The following MALRD1 variants were observed in gnomAD, a reference collection of about 807,000 sequenced individuals.
MALRD1 encodes MAM and LDL receptor class A domain containing 1.
A neutral mutation model predicts 242.1 loss-of-function variants in MALRD1; 247 were observed. The observed-to-expected ratio is 1.02, with a 90% CI of 0.92 to 1.13. MALRD1 has a LOEUF of 1.13. Ranked by LOEUF, MALRD1 falls within the 50% of genes most tolerant of loss-of-function variation. MALRD1 has a pLI of 0.00. For synonymous variants in MALRD1, 995 were observed against 866.6 expected, an observed-to-expected ratio of 1.15 and a Z score of -2.60; for missense variants, 2,989 against 2,533.1, an observed-to-expected ratio of 1.18 and a Z score of -3.86.
intron 33 of MALRD1, among the ~76,000 whole-genome samples, chr10:19,584,597 T>C (rs1294918536): frequency 6.6e-6 from 1 of 152,144 alleles, no homozygotes; most frequent in Non-Finnish European, 1.5e-5. Flanking sequence ...AGATAGTTTG[T>C]TATAATTTCT....
chr10:19,234,602 C>T (rs920177995), intron 18 of MALRD1, among the ~76,000 whole-genome samples: 2 of 146,618 alleles, frequency 1.4e-5, no homozygotes, highest in Non-Finnish European at 3.0e-5. Flanking sequence ...TTCTTGTAAA[C>T]ATTGACTTAG....
Position 19,288,206 on chromosome 10 carries a change from G to A in MALRD1, c.3419+5025G>A, listed in dbSNP as rs552208986. ...TACATGGTAGGTGTATATATTTATG[G>A]ACTGCATAAGGTGTTTTGATACAGG... On this transcript the variant is annotated intron_variant, in intron 21 of 39. Coordinates refer to ENST00000454679, the MANE Select transcript of MALRD1 (RefSeq NM_001142308.3). 4.6e-5 allele frequency among the ~76,000 whole-genome samples: 7 copies of A among 152,052 alleles called. No individual in the cohort carries two copies. In the East Asian group the frequency reaches 1.4e-3, roughly 30 times the overall value.
chr10:19,125,317 CCTTCCT>C (rs1361817028), intron 7 of MALRD1, among the ~76,000 whole-genome samples: 10 of 77,974 alleles, frequency 1.3e-4, no homozygotes, highest in African/African-American at 3.9e-4. Context: ...TTCCTTCCTT[CCTTCCT>C]TCTTTCTTTC....
At chr10:19,694,334 A>G (rs1379685935) in intron 38 of MALRD1, among the ~76,000 whole-genome samples, 1 of 152,194 alleles carries the variant, frequency 6.6e-6, no homozygotes, top group Non-Finnish European at 1.5e-5. Context: ...TCATCTGACA[A>G]AGGGCTAATA....
intron 18 of MALRD1, among the ~76,000 whole-genome samples, chr10:19,238,381 ATATAT>A (rs1287638279): frequency 5.2e-4 from 34 of 65,492 alleles, no homozygotes; most frequent in South Asian, 2.2e-3. Context: ...ATTATACATA[ATATAT>A]TATATATGTT....
intron 38 of MALRD1, chr10:19,722,458 C>A (rs1174308443): frequency 6.6e-6 from 1 of 151,560 alleles, no homozygotes; most frequent in Non-Finnish European, 1.5e-5. Flanking sequence ...GGTGTGGTAG[C>A]ACATTCCTGT....
intron 24 of MALRD1, among the ~76,000 whole-genome samples, chr10:19,342,143 A>G (rs1843912675): frequency 6.6e-6 from 1 of 152,062 alleles, no homozygotes; most frequent in Non-Finnish European, 1.5e-5. Flanking sequence ...TTCCATCTGA[A>G]ACTTTTTATC....
At chr10:19,455,928 G>C (rs1044406912) in intron 29 of MALRD1, among the ~76,000 whole-genome samples, 26 of 152,012 alleles carry the variant, frequency 1.7e-4, no homozygotes, top group African/African-American at 6.3e-4. Flanking sequence ...TCCTTCCCCA[G>C]TGTGTTCCCC....
At chr10:19,517,874 G>A (rs1309052544) in intron 31 of MALRD1, among the ~76,000 whole-genome samples, 2 of 152,182 alleles carry the variant, frequency 1.3e-5, no homozygotes, top group Non-Finnish European at 2.9e-5. Context: ...GTCATGGGAG[G>A]TTTCCTCCAC....
intron 4 of MALRD1, among the ~76,000 whole-genome samples, chr10:19,101,663 A>T (rs1267081645): frequency 1.5e-5 from 2 of 134,604 alleles, no homozygotes; most frequent in Non-Finnish European, 3.1e-5. Flanking sequence ...CTATAGGTAC[A>T]TCTATGTATA....
intron 5 of MALRD1, among the ~76,000 whole-genome samples, chr10:19,117,663 G>A (rs1264709045): frequency 6.6e-6 from 1 of 152,102 alleles, no homozygotes; most frequent in Non-Finnish European, 1.5e-5. Context: ...TGCATATGCA[G>A]CTTTGTTTTC....
chr10:19,374,215 G>T (rs1473825992), intron 26 of MALRD1, among the ~76,000 whole-genome samples: 1 of 152,086 alleles, frequency 6.6e-6, no homozygotes, highest in Non-Finnish European at 1.5e-5. Context: ...GTACAATGAA[G>T]TACTAATGTA....
At chr10:19,543,991 T>C (rs1249642307) in intron 32 of MALRD1, among the ~76,000 whole-genome samples, 1 of 152,170 alleles carries the variant, frequency 6.6e-6, no homozygotes, top group Non-Finnish European at 1.5e-5. Flanking sequence ...GCTTTAGTTA[T>C]GCCTATTATA....
intron 21 of MALRD1, among the ~76,000 whole-genome samples, chr10:19,295,627 C>T (rs1223886193): frequency 1.3e-5 from 2 of 152,096 alleles, no homozygotes; most frequent in African/African-American, 4.8e-5. Flanking sequence ...AGTAATTGAA[C>T]AGGTTTTATT....
chr10:19,672,664 T>A (rs1228885387), intron 36 of MALRD1, among the ~76,000 whole-genome samples: 2 of 152,206 alleles, frequency 1.3e-5, no homozygotes, highest in East Asian at 1.9e-4. Flanking sequence ...CCTCAGGTGA[T>A]CTGTCTGCCT....
At chr10:19,113,909 C>A (rs1836781287) in intron 5 of MALRD1, among the ~76,000 whole-genome samples, 1 of 151,810 alleles carries the variant, frequency 6.6e-6, no homozygotes, top group Non-Finnish European at 1.5e-5. Context: ...TAGTTCCTAC[C>A]CTGTCTAATT....
At chr10:19,584,519 A>G (rs944340479) in intron 33 of MALRD1, among the ~76,000 whole-genome samples, 1 of 152,138 alleles carries the variant, frequency 6.6e-6, no homozygotes, top group Non-Finnish European at 1.5e-5. Context: ...GTCAGTTTCC[A>G]TGTAGTTGAG....
chr10:19,721,249 A>T (rs1020182142), intron 38 of MALRD1, among the ~76,000 whole-genome samples: 4 of 152,124 alleles, frequency 2.6e-5, no homozygotes, highest in African/African-American at 9.7e-5. Flanking sequence ...TATCTGGAAG[A>T]TTGGATCTTT....
chr10:19,637,587 A>G (rs1219213862), intron 36 of MALRD1, among the ~76,000 whole-genome samples: 2 of 152,264 alleles, frequency 1.3e-5, no homozygotes, highest in Middle Eastern at 3.4e-3. Flanking sequence ...AAGCCATATG[A>G]TTAAAATTAT....
Sources: allele counts gnomAD v4.1 joint callset (sites outside exome capture counted in the v4.1 genomes callset), GRCh38; gene constraint gnomAD v4.1.1; transcripts MANE v1.5; gene names NCBI Gene and HGNC (gene_info 2026-07-23, HGNC 2026-07-21).